The following ZNF710 variants were observed in gnomAD, a reference collection of about 807,000 sequenced individuals.
ZNF710 encodes zinc finger protein 710.
In ZNF710, 13 loss-of-function variants were observed where a neutral mutation model predicts 50.6. The observed-to-expected ratio is 0.26, with a 90% CI of 0.17 to 0.41. The LOEUF (loss-of-function observed/expected upper bound fraction) is 0.41, where lower values mean the gene tolerates loss of function less well. ZNF710 is among the 10% of genes least tolerant of loss of function. The pLI, the probability that ZNF710 is intolerant of heterozygous loss-of-function variation, is 1.00. For synonymous variants in ZNF710, 383 were observed against 397.0 expected (o/e 0.96, Z 0.42); for missense variants, 721 against 936.6 (o/e 0.77, Z 3.01).
chr15:90,030,997 C>G (rs373415461), intron 1 of ZNF710, among the ~76,000 whole-genome samples: 1 of 120,956 alleles, frequency 8.3e-6, no homozygotes, highest in Non-Finnish European at 1.6e-5. Flanking sequence ...CCAGCCTGGG[C>G]GACAGAGCGA....
chr15:90,063,220 A>G (rs1900065642), intron 1 of ZNF710, among the ~76,000 whole-genome samples: 1 of 152,286 alleles, frequency 6.6e-6, no homozygotes, highest in South Asian at 2.1e-4. Flanking sequence ...CCGCGGGTGC[A>G]TAGCTGCAGG....
intron 1 of ZNF710, among the ~76,000 whole-genome samples, chr15:90,020,901 T>A (rs905527957): frequency 1.3e-5 from 2 of 152,204 alleles, no homozygotes; most frequent in African/African-American, 2.4e-5. Flanking sequence ...CTTTGCTTCT[T>A]TAATCAATTA....
intron 1 of ZNF710, among the ~76,000 whole-genome samples, chr15:90,002,864 G>C (rs1159943989): frequency 1.3e-5 from 2 of 152,178 alleles, no homozygotes; most frequent in East Asian, 3.9e-4. Flanking sequence ...AGGCGTAGCA[G>C]TATCCGGGGT....
rs7164374 is a variant in ZNF710, at chr15:90,018,827, C to A, written c.-29+17213C>A. Among the ~76,000 whole-genome samples the A allele has an allele frequency of 7.3e-3, 1,108 of 152,298 alleles. 17 individuals carry two copies. Among genetic ancestry groups the A allele is most frequent in the African/African-American group, 0.024 (1,007 of 41,564 alleles). The stretch of plus-strand genomic sequence containing the variant: ...ATTCTAATTTCCCTGTCCTGGAAAC[C>A]ACCTTGAAAATATTCTTAAATATTC... On this transcript the variant is annotated intron_variant, in intron 1 of 4. Coordinates refer to ENST00000268154, the MANE Select transcript of ZNF710 (RefSeq NM_198526.4).
chr15:90,071,633 C>T (rs761881986), intron 2 of ZNF710, among the ~76,000 whole-genome samples: 3 of 151,574 alleles, frequency 2.0e-5, no homozygotes, highest in Non-Finnish European at 4.4e-5. Context: ...AAAAAGAAAA[C>T]AGCTCCCAAC....
chr15:90,043,004 C>T (rs1899346186), intron 1 of ZNF710, among the ~76,000 whole-genome samples: 1 of 152,262 alleles, frequency 6.6e-6, no homozygotes, highest in African/African-American at 2.4e-5. Flanking sequence ...CCCGCTTACC[C>T]TCCTGGAGTG....
upstream of ZNF710, among the ~76,000 whole-genome samples, chr15:90,000,689 T>C (rs532767584): frequency 6.6e-6 from 1 of 152,268 alleles, no homozygotes; most frequent in Admixed American, 6.5e-5. Flanking sequence ...CTGCCTACTT[T>C]AAAAATACAT....
chr15:90,071,954 A>G (rs763994633), intron 2 of ZNF710, among the ~76,000 whole-genome samples: 8 of 151,986 alleles, frequency 5.3e-5, no homozygotes, highest in South Asian at 2.1e-4. Context: ...GATTACAGGC[A>G]TGAGCCACCG....
At chr15:90,005,636 G>A (rs905690218) in intron 1 of ZNF710, among the ~76,000 whole-genome samples, 1 of 152,140 alleles carries the variant, frequency 6.6e-6, no homozygotes, top group Non-Finnish European at 1.5e-5. Flanking sequence ...TTTTAGTAGA[G>A]ACGGGGTTTC....
At chr15:90,060,816 A>AC (rs1481893601) in intron 1 of ZNF710, among the ~76,000 whole-genome samples, 6 of 152,198 alleles carry the variant, frequency 3.9e-5, no homozygotes, top group Non-Finnish European at 7.3e-5. Flanking sequence ...GTATTGCTCC[A>AC]CCGCACTCCA....
At chr15:90,001,750 G>C (rs1898017194) in intron 1 of ZNF710, 136 bp downstream of exon 1, 1 of 145,518 alleles carries the variant, frequency 6.9e-6, no homozygotes, top group African/African-American at 2.5e-5. Flanking sequence ...CCTCTCCCTG[G>C]GGACGGCCGC....
rs1378801541 is a variant in ZNF710, at chr15:90,081,782, T to G, written c.*1953T>G. 6.6e-6 allele frequency: 1 copy of G among 152,454 alleles called. No individual in the cohort carries two copies. Among genetic ancestry groups the G allele is most frequent in the Non-Finnish European group, 1.5e-5 (1 of 68,162 alleles). The allele number at this position is 152,454 out of a possible 1,614,324, so 9.4% of individuals were successfully genotyped here. ...CCTGCCAGTGCAGTGGCCTTGGTCT[T>G]GGAAACTGAAGGGAGAAGGTCTGGC... On this transcript the variant is annotated 3_prime_UTR_variant, in exon 5 of 5. Transcript: ENST00000268154.
In ZNF710 at chr15:90,062,954, A is replaced by G. The variant is rs1024523181; in HGVS notation, c.-28-4156A>G. Among the ~76,000 whole-genome samples the G allele has an allele frequency of 1.3e-5, 2 of 151,994 alleles. No homozygotes were observed. The highest frequency in any genetic ancestry group is 6.5e-5 in the Admixed American group (1 of 15,276). On this transcript the variant is annotated intron_variant, in intron 1 of 4. Transcript: ENST00000268154. The surrounding 1 kb of genome is among the most constrained non-coding windows in gnomAD (Gnocchi z 5.6). ...AGCATTACAGGGTGGTGTGTGTTCT[A>G]CTCAGCCAAGTCTCCAGGCCAGTGT...
At chr15:90,038,786 A>G (rs912316246) in intron 1 of ZNF710, among the ~76,000 whole-genome samples, 2 of 151,222 alleles carry the variant, frequency 1.3e-5, no homozygotes, top group Non-Finnish European at 2.9e-5. Context: ...TGTGTTACAC[A>G]ATAGATTTGT....
Position 90,067,422 on chromosome 15 carries a change from C to T in ZNF710, c.285C>T (p.Thr95=), listed in dbSNP as rs139629858. 7.7e-5 allele frequency: 123 copies of T among 1,603,028 alleles called. No individual in the cohort carries two copies. The African/African-American group carries it at 1.3e-3, about 17-fold the overall frequency. The change falls in exon 2 of 5, where the codon ACC becomes ACT. Residue 95 remains threonine, a synonymous_variant. Transcript: ENST00000268154. This position sits in a 1 kb window ranked among gnomAD's most constrained non-coding sequence, Gnocchi z 8.1. ...LEVEAACEKH[T]RRKTRPPVRL... Reference sequence around the variant, plus strand: ...TGGAGGCAGCCTGTGAGAAGCACACCCGGCGGAAGACGCGGCCACCTGTGC... The same window carrying T: ...TGGAGGCAGCCTGTGAGAAGCACACTCGGCGGAAGACGCGGCCACCTGTGC...
intron 1 of ZNF710, among the ~76,000 whole-genome samples, chr15:90,044,272 C>T (rs1274781184): frequency 7.2e-5 from 11 of 152,218 alleles, no homozygotes; most frequent in Admixed American, 7.2e-4. Context: ...TGGCATCCTT[C>T]CCTTCTGCCT....
chr15:90,028,038 T>C (rs1008806986), intron 1 of ZNF710, among the ~76,000 whole-genome samples: 1 of 152,148 alleles, frequency 6.6e-6, no homozygotes, highest in Non-Finnish European at 1.5e-5. Context: ...GTTGAAGAAA[T>C]TAATGAATGC....
chr15:90,002,162 C>T (rs945348007), intron 1 of ZNF710, among the ~76,000 whole-genome samples: 9 of 151,598 alleles, frequency 5.9e-5, no homozygotes, highest in Admixed American at 1.3e-4. Flanking sequence ...CGCCGCCCCG[C>T]CCCTACGGCT....
chr15:90,073,389 T>A, intron 3 of ZNF710, 127 bp downstream of exon 3: 1 of 1,102,428 alleles, frequency 9.1e-7, no homozygotes, highest in Non-Finnish European at 1.3e-6. Flanking sequence ...CCCGGCTGGG[T>A]GAAACTTAGC....
Sources: allele counts gnomAD v4.1 joint callset (sites outside exome capture counted in the v4.1 genomes callset), GRCh38; gene constraint gnomAD v4.1.1; non-coding constraint Gnocchi (gnomAD v3.1); transcripts MANE v1.5; gene names NCBI Gene and HGNC (gene_info 2026-07-23, HGNC 2026-07-21).